Variants in GLIS3 observed in about 807,000 individuals in gnomAD.
The protein encoded by GLIS3 is zinc finger protein GLIS3.
GLIS3 carries 53 observed loss-of-function variants against 78.6 expected under a neutral mutation model. That is an observed-to-expected ratio of 0.67 (90% CI 0.54 to 0.85). The LOEUF is 0.85. GLIS3 is among the 40% of genes least tolerant of loss of function. The pLI, the probability that GLIS3 is intolerant of heterozygous loss-of-function variation, is 0.00. For synonymous variants in GLIS3, 684 were observed against 509.9 expected (o/e 1.34, Z -4.60); for missense variants, 1,703 against 1,231.1 (o/e 1.38, Z -5.74).
chr9:4,018,549 C>T lies in GLIS3; in HGVS notation c.1711-81360G>A, dbSNP rs1213525107. Among the ~76,000 whole-genome samples, 3 of 152,284 alleles carry T rather than the reference C, an allele frequency of 2.0e-5. 1 individual carries two copies. The highest frequency in any genetic ancestry group is 4.4e-5 in the Non-Finnish European group (3 of 68,020). Reference sequence around the variant, plus strand: ...GGTAAGGGGCTTCACAGGTTCTTGGCTATCACTGGGATCTTGACTGGGGTT... The same window carrying T: ...GGTAAGGGGCTTCACAGGTTCTTGGTTATCACTGGGATCTTGACTGGGGTT... On this transcript the variant is annotated intron_variant, in intron 4 of 10. Transcript: ENST00000381971.
chr9:4,162,016 G>A (rs1441218264), intron 2 of GLIS3, among the ~76,000 whole-genome samples: 1 of 151,912 alleles, frequency 6.6e-6, no homozygotes, highest in Non-Finnish European at 1.5e-5. Flanking sequence ...CAAGGTGTTG[G>A]CAGGGCCAGG....
intron 4 of GLIS3, among the ~76,000 whole-genome samples, 157 bp from the exon 5 acceptor site, chr9:3,937,346 C>T (rs751622128): frequency 2.8e-4 from 42 of 151,982 alleles, no homozygotes; most frequent in Non-Finnish European, 5.7e-4. Context: ...TAAAAATATC[C>T]GAATATTTAT....
chr9:4,166,673 T>A (rs761579021), intron 2 of GLIS3, among the ~76,000 whole-genome samples: 9 of 152,216 alleles, frequency 5.9e-5, no homozygotes, highest in Non-Finnish European at 1.2e-4. Flanking sequence ...ATTTATGATT[T>A]TCGGTGTTCT....
chr9:4,118,224 C>A lies in GLIS3; in HGVS notation c.1254G>T (p.Pro418=), dbSNP rs1260550223. The change falls in exon 4 of 11, where the codon CCG becomes CCT. Residue 418 remains proline, a synonymous_variant. Transcript: ENST00000381971. The surrounding 1 kb of genome is among the most constrained non-coding windows in gnomAD (Gnocchi z 4.7). ...VNHMVVQHGL[P]GPDSQSAGLF... ...GGCCGGCCGACTGGCTGTCGGGGCC[C>A]GGCAGGCCATGCTGCACCACCATGT... 1.3e-6 allele frequency: 2 copies of A among 1,586,220 alleles called. No individual in the cohort carries two copies. The highest frequency in any genetic ancestry group is 1.7e-6 in the Non-Finnish European group (2 of 1,166,588).
intron 8 of GLIS3, among the ~76,000 whole-genome samples, chr9:3,862,976 T>C (rs2130311886): frequency 6.6e-6 from 1 of 152,192 alleles, no homozygotes; most frequent in East Asian, 1.9e-4. Flanking sequence ...AATTCATCTG[T>C]GCAAACTAAT....
In GLIS3 at chr9:4,169,775, A is replaced by C. The variant is rs958230192; in HGVS notation, c.389-43834T>G. On this transcript the variant is annotated intron_variant, in intron 2 of 10. Transcript: ENST00000381971. Reference sequence around the variant, plus strand: ...GGGATGATGAAGCAAATGTGGTAAAAAGTTAACATTTGGGAAATCTGGGTA... The same window carrying C: ...GGGATGATGAAGCAAATGTGGTAAACAGTTAACATTTGGGAAATCTGGGTA... Among the ~76,000 whole-genome samples the C allele has an allele frequency of 4.6e-5, 7 of 152,318 alleles. No homozygotes were observed. In the South Asian group the frequency reaches 1.5e-3, roughly 32 times the overall value.
chr9:3,886,924 T>C (rs1034961136), intron 7 of GLIS3, among the ~76,000 whole-genome samples: 1 of 152,182 alleles, frequency 6.6e-6, no homozygotes, highest in African/African-American at 2.4e-5. Context: ...GTTTTCTTTT[T>C]TCCTTCTTCT....
chr9:4,315,048 T>G (rs1004465295), intron 2 of GLIS3, among the ~76,000 whole-genome samples: 1 of 152,216 alleles, frequency 6.6e-6, no homozygotes, highest in African/African-American at 2.4e-5. Context: ...CTTGTGGTCC[T>G]TCCACTCTCT....
Position 3,883,494 on chromosome 9 carries a change from C to T in GLIS3, c.2129-3899G>A, listed in dbSNP as rs187391705. ...CCACCTTAGAGTAAAACTGTAATGT[C>T]ATTCGCAAAAGGAAAAACTTCCTTT... On this transcript the variant is annotated intron_variant, in intron 7 of 10. Transcript: ENST00000381971. Among the ~76,000 whole-genome samples, 24 of 152,330 alleles carry T rather than the reference C, an allele frequency of 1.6e-4. No homozygotes were observed. In the East Asian group the frequency reaches 4.2e-3, roughly 27 times the overall value.
At chr9:3,896,198 A>T (rs1222251326) in intron 7 of GLIS3, among the ~76,000 whole-genome samples, 1 of 152,228 alleles carries the variant, frequency 6.6e-6, no homozygotes, top group African/African-American at 2.4e-5. Context: ...ACTCCACACA[A>T]GCACATTTCT....
chr9:4,007,964 G>C (rs924205104), intron 4 of GLIS3, among the ~76,000 whole-genome samples: 3 of 151,890 alleles, frequency 2.0e-5, no homozygotes, highest in Non-Finnish European at 4.4e-5. Context: ...CCAAAAGCCA[G>C]TCTTCTGTCA....
intron 2 of GLIS3, among the ~76,000 whole-genome samples, chr9:4,249,963 T>C (rs1162333915): frequency 1.3e-5 from 2 of 152,348 alleles, no homozygotes; most frequent in African/African-American, 4.8e-5. Context: ...ATCCTAGGGA[T>C]GAAGCCAACT....
intron 3 of GLIS3, among the ~76,000 whole-genome samples, chr9:4,121,632 C>CA (rs1256430000): frequency 6.7e-6 from 1 of 148,860 alleles, no homozygotes; most frequent in Non-Finnish European, 1.5e-5. Flanking sequence ...CACACACACA[C>CA]ACACACACAC....
intron 2 of GLIS3, among the ~76,000 whole-genome samples, chr9:4,201,480 T>A (rs376895399): frequency 9.2e-5 from 14 of 152,284 alleles, no homozygotes; most frequent in African/African-American, 2.9e-4. Flanking sequence ...ACGACTTCAG[T>A]GAAGTTTCAG....
chr9:4,077,329 G>A (rs1828163863), intron 4 of GLIS3, among the ~76,000 whole-genome samples: 1 of 152,126 alleles, frequency 6.6e-6, no homozygotes. Flanking sequence ...GACAAATTGA[G>A]ACCCACATTT....
In GLIS3 at chr9:3,828,258, G is replaced by A; in HGVS notation, c.*14C>T. ...ATCAAGGTCCTGGGTGTGCAGGAGT[G>A]GCCAAGAGAGCTTTTAGCCTTCGGT... is the stretch of plus-strand genomic sequence containing the variant. On this transcript the variant is annotated 3_prime_UTR_variant, in exon 11 of 11. Coordinates refer to ENST00000381971, the MANE Select transcript of GLIS3 (RefSeq NM_001042413.2). 1 of 1,613,944 alleles carries A rather than the reference G, an allele frequency of 6.2e-7. No individual in the cohort carries two copies. Among genetic ancestry groups the A allele is most frequent in the Non-Finnish European group, 8.5e-7 (1 of 1,179,972 alleles).
intron 4 of GLIS3, among the ~76,000 whole-genome samples, chr9:4,051,978 T>C (rs1825779616): frequency 6.6e-6 from 1 of 152,234 alleles, no homozygotes; most frequent in African/African-American, 2.4e-5. Context: ...ATTGCTCATT[T>C]GTAGAACACA....
At chr9:4,041,546 T>A (rs943910849) in intron 4 of GLIS3, among the ~76,000 whole-genome samples, 1 of 152,218 alleles carries the variant, frequency 6.6e-6, no homozygotes, top group African/African-American at 2.4e-5. Flanking sequence ...TGTGTCTCTG[T>A]GATGTTATCA....
chr9:4,352,298 G>C (rs1038426454), upstream of GLIS3, among the ~76,000 whole-genome samples: 1 of 152,242 alleles, frequency 6.6e-6, no homozygotes, highest in Non-Finnish European at 1.5e-5. Flanking sequence ...TCAGGAACAA[G>C]GGAGCCACCT....
Sources: gnomAD v4.1 joint callset for allele counts (sites outside exome capture counted in the v4.1 genomes callset) on GRCh38, gnomAD v4.1.1 for gene constraint, Gnocchi (gnomAD v3.1) non-coding constraint, MANE v1.5 for transcripts, NCBI Gene and HGNC (gene_info 2026-07-23, HGNC 2026-07-21) for gene names.